CSRNP3: variants seen among roughly 807,000 people sequenced by gnomAD.
CSRNP3 encodes the protein cysteine and serine rich nuclear protein 3, also known as cysteine/serine-rich nuclear protein 3.
A neutral mutation model predicts 48.0 loss-of-function variants in CSRNP3; 12 were observed. That is an observed-to-expected ratio of 0.25 (90% CI 0.16 to 0.41). CSRNP3 has a LOEUF of 0.41. Among genes scored for constraint, CSRNP3 ranks in the 10% least tolerant of loss-of-function variants. The pLI is 1.00. For missense variants in CSRNP3, 580 were observed against 724.4 expected, an observed-to-expected ratio of 0.80 and a Z score of 2.29; for synonymous variants, 263 against 269.7, an observed-to-expected ratio of 0.98 and a Z score of 0.24.
chr2:165,591,979 C>G (rs957985147), intron 3 of CSRNP3, among the ~76,000 whole-genome samples: 45 of 152,176 alleles, frequency 3.0e-4, no homozygotes, highest in African/African-American at 4.8e-5. Flanking sequence ...GGAAGATCCA[C>G]TGACAGCTTG....
At chr2:165,510,716 T>C (rs1285751859) in intron 2 of CSRNP3, among the ~76,000 whole-genome samples, 1 of 152,160 alleles carries the variant, frequency 6.6e-6, no homozygotes, top group Non-Finnish European at 1.5e-5. Context: ...CCTTATTACT[T>C]ATTATTGTTA....
At chr2:165,530,358 G>A (rs762800622) in intron 3 of CSRNP3, among the ~76,000 whole-genome samples, 1 of 152,020 alleles carries the variant, frequency 6.6e-6, no homozygotes, top group Non-Finnish European at 1.5e-5. Context: ...TTATCATATA[G>A]CAAATGGCTC....
chr2:165,503,875 AT>A (rs1275958915), intron 2 of CSRNP3, among the ~76,000 whole-genome samples: 3 of 151,902 alleles, frequency 2.0e-5, no homozygotes, highest in Non-Finnish European at 4.4e-5. Context: ...TTCACCTTTA[AT>A]TTAGTCATAG....
In CSRNP3 at chr2:165,685,664, T is replaced by A. The variant is rs1017961613; in HGVS notation, c.*5911T>A. ...CTTTCTTTTACTTGTGATAAATATA[T>A]CACTATACAGGGTAATTGCTTTTAT... On this transcript the variant is annotated 3_prime_UTR_variant, in exon 7 of 7. Coordinates refer to ENST00000651982, the MANE Select transcript of CSRNP3 (RefSeq NM_001172173.2). 6.6e-6 allele frequency: 1 copy of A among 152,104 alleles called. No individual in the cohort carries two copies. The highest frequency in any genetic ancestry group is 1.5e-5 in the Non-Finnish European group (1 of 67,984). 9.4% of individuals were successfully genotyped at this position (152,104 alleles called of 1,614,324 possible).
chr2:165,603,187 G>A (rs532865491), intron 4 of CSRNP3, among the ~76,000 whole-genome samples: 4 of 152,084 alleles, frequency 2.6e-5, no homozygotes, highest in South Asian at 2.1e-4. Flanking sequence ...GAGCCACCGC[G>A]CCCGGCCTGA....
chr2:165,542,009 C>T (rs1362916725), intron 3 of CSRNP3, among the ~76,000 whole-genome samples: 1 of 152,172 alleles, frequency 6.6e-6, no homozygotes, highest in Non-Finnish European at 1.5e-5. Context: ...TTCACCACAG[C>T]ACTGTCCATG....
At chr2:165,588,712 T>TGG (rs1685669764) in intron 3 of CSRNP3, among the ~76,000 whole-genome samples, 1 of 152,144 alleles carries the variant, frequency 6.6e-6, no homozygotes, top group Admixed American at 6.5e-5. Context: ...CCCAGCACTC[T>TGG]GGGGGGTCGA....
chr2:165,631,908 T>C (rs1414345648), intron 4 of CSRNP3, among the ~76,000 whole-genome samples: 1 of 152,234 alleles, frequency 6.6e-6, no homozygotes, highest in Non-Finnish European at 1.5e-5. Flanking sequence ...GGTTAATATC[T>C]GGCCCTTTAA....
intron 1 of CSRNP3, among the ~76,000 whole-genome samples, chr2:165,480,686 G>C (rs1249967904): frequency 6.6e-6 from 1 of 150,986 alleles, no homozygotes; most frequent in African/African-American, 2.4e-5. Context: ...GTGCATGGAA[G>C]ACTCAATATT....
intron 5 of CSRNP3, among the ~76,000 whole-genome samples, chr2:165,671,022 G>A (rs902772009): frequency 2.6e-5 from 4 of 152,206 alleles, no homozygotes; most frequent in African/African-American, 9.7e-5. Context: ...CTAGCTTTTA[G>A]ACACATTGTG....
At chr2:165,471,769 T>TA (rs1683897153) in intron 1 of CSRNP3, among the ~76,000 whole-genome samples, 1 of 151,826 alleles carries the variant, frequency 6.6e-6, no homozygotes, top group African/African-American at 2.4e-5. Flanking sequence ...GCAAGTCTTA[T>TA]AAAAATGAGA....
chr2:165,519,250 G>C (rs1276775344), intron 3 of CSRNP3, among the ~76,000 whole-genome samples: 1 of 151,010 alleles, frequency 6.6e-6, no homozygotes, highest in Non-Finnish European at 1.5e-5. Context: ...CCTATGAAAA[G>C]AGCAAAGGTG....
chr2:165,551,059 C>G (rs941796861), intron 3 of CSRNP3, among the ~76,000 whole-genome samples: 1 of 152,098 alleles, frequency 6.6e-6, no homozygotes, highest in South Asian at 2.1e-4. Context: ...AACTGGACAG[C>G]TTTTATGCCT....
At chr2:165,653,485 C>T (rs1686949537) in intron 4 of CSRNP3, among the ~76,000 whole-genome samples, 1 of 152,124 alleles carries the variant, frequency 6.6e-6, no homozygotes, top group Non-Finnish European at 1.5e-5. Context: ...TCTTCAAGGC[C>T]TTAGAAAATC....
intron 4 of CSRNP3, among the ~76,000 whole-genome samples, chr2:165,655,220 A>G (rs1298862739): frequency 2.0e-5 from 3 of 152,202 alleles, no homozygotes; most frequent in African/African-American, 4.8e-5. Flanking sequence ...TTCCAGAGGT[A>G]GTATGATGCC....
At chr2:165,600,296 G>C (rs1311067784) in intron 4 of CSRNP3, among the ~76,000 whole-genome samples, 3 of 148,602 alleles carry the variant, frequency 2.0e-5, no homozygotes, top group Admixed American at 6.7e-5. Flanking sequence ...GTATTCCATG[G>C]TGTATATGTG....
intron 2 of CSRNP3, among the ~76,000 whole-genome samples, chr2:165,496,981 C>G (rs945847605): frequency 1.3e-5 from 2 of 152,050 alleles, no homozygotes; most frequent in Non-Finnish European, 2.9e-5. Flanking sequence ...AATTATGGCT[C>G]TAGATGCTTT....
intron 3 of CSRNP3, among the ~76,000 whole-genome samples, chr2:165,521,370 T>C (rs1014662013): frequency 6.6e-6 from 1 of 152,178 alleles, no homozygotes; most frequent in Non-Finnish European, 1.5e-5. Context: ...AACTTGACTT[T>C]TCAAAAGCAG....
At chr2:165,580,541 G>A (rs1013891972) in intron 3 of CSRNP3, among the ~76,000 whole-genome samples, 2 of 152,012 alleles carry the variant, frequency 1.3e-5, no homozygotes, top group African/African-American at 4.8e-5. Context: ...AGTATCTTTG[G>A]CAGGATCCCA....
Sources: gnomAD v4.1 joint callset for allele counts (sites outside exome capture counted in the v4.1 genomes callset) on GRCh38, gnomAD v4.1.1 for gene constraint, MANE v1.5 for transcripts, NCBI Gene and HGNC (gene_info 2026-07-23, HGNC 2026-07-21) for gene names.